The following CLYBL variants were observed in gnomAD, a reference collection of about 807,000 sequenced individuals.
The protein encoded by CLYBL is citramalyl-CoA lyase, mitochondrial.
Under a neutral mutation model 38.9 loss-of-function variants are expected in CLYBL, and 31 were observed. The observed-to-expected ratio is 0.80, with a 90% CI of 0.60 to 1.08. The LOEUF (loss-of-function observed/expected upper bound fraction) is 1.08. Among genes scored for constraint, CLYBL ranks in the 50% least tolerant of loss-of-function variants. The pLI is 0.00. For synonymous variants in CLYBL, 171 were observed against 158.6 expected, an observed-to-expected ratio of 1.08 and a Z score of -0.59; for missense variants, 434 against 411.6, an observed-to-expected ratio of 1.05 and a Z score of -0.47.
rs1594185362 is a variant in CLYBL at position 99,791,259 on chromosome 13, G to A, written c.249+18249G>A. ...TTCTTTAATCTATCCCATGAGGTTG[G>A]TGATAATGAAACACACACCACCCAC... is the stretch of plus-strand genomic sequence containing the variant. On this transcript the variant is annotated intron_variant, in intron 2 of 8. Transcript: ENST00000339105. Among the ~76,000 whole-genome samples, 3 of 152,158 alleles carry A rather than the reference G, an allele frequency of 2.0e-5. 1 individual carries two copies. In the South Asian group the frequency reaches 6.2e-4, roughly 32 times the overall value.
At chr13:99,633,139 A>G (rs1566594045) in intron 1 of CLYBL, among the ~76,000 whole-genome samples, 1 of 135,286 alleles carries the variant, frequency 7.4e-6, no homozygotes, top group Non-Finnish European at 1.5e-5. Context: ...TGAACGTGGG[A>G]GGCAGAGGTT....
intron 2 of CLYBL, among the ~76,000 whole-genome samples, chr13:99,776,447 G>C (rs2049518439): frequency 6.6e-6 from 1 of 150,558 alleles, no homozygotes; most frequent in Non-Finnish European, 1.5e-5. Flanking sequence ...AGTGAGCCGA[G>C]ATTGCCCCAC....
chr13:99,772,750 T>G, intron 1 of CLYBL, 74 bp from the exon 2 acceptor site: 1 of 1,220,572 alleles, frequency 8.2e-7, no homozygotes, highest in East Asian at 2.4e-5. Flanking sequence ...AATTTTGCAT[T>G]AAAATATAGT....
At position 99,849,423 on chromosome 13, in the gene CLYBL, G is replaced by A. The variant is rs60423320; in HGVS notation, c.250-9438G>A. 2.0e-5 allele frequency among the ~76,000 whole-genome samples: 3 copies of A among 152,270 alleles called. No individual in the cohort carries two copies. The highest frequency in any genetic ancestry group is 6.5e-5 in the Admixed American group (1 of 15,308). ...AGCTACTCAGGAGGCCAAGGCGAGCGGATTGCTGGGGCCTAGGAGTTCGAG... is the reference window on the plus strand; with the variant it reads ...AGCTACTCAGGAGGCCAAGGCGAGCAGATTGCTGGGGCCTAGGAGTTCGAG... On this transcript the variant is annotated intron_variant, in intron 2 of 8. Transcript: ENST00000339105. The surrounding 1 kb of genome is among the most constrained non-coding windows in gnomAD (Gnocchi z 4.9).
chr13:99,727,984 A>C (rs1303592385), intron 1 of CLYBL, among the ~76,000 whole-genome samples: 1 of 152,202 alleles, frequency 6.6e-6, no homozygotes, highest in Non-Finnish European at 1.5e-5. Context: ...AGACTGAGGC[A>C]GGAGAATTGC....
At chr13:99,854,427 T>C (rs1414054270) in intron 2 of CLYBL, among the ~76,000 whole-genome samples, 2 of 151,284 alleles carry the variant, frequency 1.3e-5, no homozygotes, top group Non-Finnish European at 2.9e-5. Flanking sequence ...TGTCTCATCC[T>C]ATCCGACAGT....
chr13:99,712,375 C>T (rs186480060), intron 1 of CLYBL, among the ~76,000 whole-genome samples: 5 of 142,690 alleles, frequency 3.5e-5, no homozygotes, highest in African/African-American at 7.8e-5. Flanking sequence ...CGCTCTATAG[C>T]GCAGGCTAGA....
intron 1 of CLYBL, among the ~76,000 whole-genome samples, chr13:99,645,235 G>A (rs1034577102): frequency 2.0e-5 from 3 of 152,140 alleles, no homozygotes; most frequent in African/African-American, 2.4e-5. Flanking sequence ...AGTGGCTCAC[G>A]CCTGTAATCC....
downstream of CLYBL, chr13:99,895,347 C>A (rs1383759777): frequency 6.6e-6 from 1 of 152,204 alleles, no homozygotes; most frequent in East Asian, 1.9e-4. Flanking sequence ...ACTAGAAAAG[C>A]AATGAATTAA....
chr13:99,836,433 A>C (rs1301801658), intron 2 of CLYBL, among the ~76,000 whole-genome samples: 1 of 152,174 alleles, frequency 6.6e-6, no homozygotes, highest in Non-Finnish European at 1.5e-5. Context: ...AACCTTCCAG[A>C]AGCTACAGTG....
chr13:99,846,511 T>C (rs1184238656), intron 2 of CLYBL, among the ~76,000 whole-genome samples: 2 of 152,208 alleles, frequency 1.3e-5, no homozygotes, highest in Non-Finnish European at 2.9e-5. Flanking sequence ...TGCCATCACA[T>C]AGCTGATTGT....
At chr13:99,848,543 G>A (rs1220076879) in intron 2 of CLYBL, among the ~76,000 whole-genome samples, 2 of 152,214 alleles carry the variant, frequency 1.3e-5, no homozygotes, top group African/African-American at 2.4e-5. Context: ...ATGCCTTCAA[G>A]TATCTGGATG....
intron 2 of CLYBL, among the ~76,000 whole-genome samples, chr13:99,814,907 G>T (rs889900308): frequency 1.3e-5 from 2 of 152,068 alleles, no homozygotes; most frequent in African/African-American, 4.8e-5. Flanking sequence ...GTGCATGCCT[G>T]TGGGTCCCAG....
At chr13:99,888,906 C>T (rs2057798313) in intron 7 of CLYBL, among the ~76,000 whole-genome samples, 1 of 152,220 alleles carries the variant, frequency 6.6e-6, no homozygotes, top group South Asian at 2.1e-4. Flanking sequence ...AAAAATACCA[C>T]CTAAATTATA....
intron 1 of CLYBL, among the ~76,000 whole-genome samples, chr13:99,737,639 C>T (rs1048273146): frequency 6.6e-6 from 1 of 152,130 alleles, no homozygotes; most frequent in South Asian, 2.1e-4. Context: ...GAGTCATGTG[C>T]GCAAGAGTGT....
intron 1 of CLYBL, among the ~76,000 whole-genome samples, chr13:99,720,196 T>C (rs564637054): frequency 2.0e-4 from 30 of 152,262 alleles, no homozygotes; most frequent in Middle Eastern, 6.8e-3. Context: ...TTTTTTCTTT[T>C]GGTGATTACA....
chr13:99,756,196 A>G (rs546823862), intron 1 of CLYBL, among the ~76,000 whole-genome samples: 4 of 152,278 alleles, frequency 2.6e-5, no homozygotes, highest in African/African-American at 9.6e-5. Context: ...AACAAGGGAA[A>G]CTTCTGCTCA....
intron 1 of CLYBL, among the ~76,000 whole-genome samples, chr13:99,648,268 G>T (rs2047204979): frequency 2.0e-5 from 3 of 152,166 alleles, no homozygotes; most frequent in African/African-American, 7.2e-5. Context: ...GCAGGACTAT[G>T]CCTTTAACTT....
At chr13:99,845,741 GC>G (rs1356829398) in intron 2 of CLYBL, among the ~76,000 whole-genome samples, 1 of 152,046 alleles carries the variant, frequency 6.6e-6, no homozygotes, top group Non-Finnish European at 1.5e-5. Context: ...CCTCCCGGGG[GC>G]CTGGTCCTTG....
Sources: allele counts gnomAD v4.1 joint callset (sites outside exome capture counted in the v4.1 genomes callset), GRCh38; gene constraint gnomAD v4.1.1; non-coding constraint Gnocchi (gnomAD v3.1); transcripts MANE v1.5; gene names NCBI Gene and HGNC (gene_info 2026-07-23, HGNC 2026-07-21).